Variants in SLC38A9 observed in about 807,000 individuals in gnomAD.
SLC38A9 encodes solute carrier family 38 member 9, also known as neutral amino acid transporter 9.
Under a neutral mutation model 62.3 loss-of-function variants are expected in SLC38A9, and 48 were observed. The ratio of observed to expected loss-of-function variants is 0.77; its 90% CI spans 0.61 to 0.98. The LOEUF is 0.98. SLC38A9 is among the 50% of genes least tolerant of loss of function. SLC38A9 has a pLI of 0.00. For missense variants in SLC38A9, 541 were observed against 679.8 expected (o/e 0.80, Z 2.27); for synonymous variants, 204 against 227.7 (o/e 0.90, Z 0.94).
At position 55,694,887 on chromosome 5, in the gene SLC38A9, G is replaced by C. The variant is rs1755264441; in HGVS notation, c.113+2959C>G. On this transcript the variant is annotated intron_variant, in intron 3 of 15. Coordinates refer to ENST00000396865, the MANE Select transcript of SLC38A9 (RefSeq NM_173514.4). ...CATGCCTCAGTCTCCCAAATAGCTG[G>C]GATTACAGGTGTGCGCCACCACGCC... is the stretch of plus-strand genomic sequence containing the variant. Among the ~76,000 whole-genome samples the C allele has an allele frequency of 2.6e-5, 4 of 152,104 alleles. No homozygotes were observed. In the South Asian group the frequency reaches 8.3e-4, roughly 32 times the overall value.
chr5:55,694,134 G>C (rs1755106951), intron 3 of SLC38A9: 1 of 198,300 alleles, frequency 5.0e-6, no homozygotes, highest in Non-Finnish European at 1.1e-5. Context: ...CTTCAGCCCA[G>C]GAGATCAAGG....
At chr5:55,673,075 A>C (rs1445465776) in intron 3 of SLC38A9, among the ~76,000 whole-genome samples, 1 of 152,212 alleles carries the variant, frequency 6.6e-6, no homozygotes, top group Non-Finnish European at 1.5e-5. Context: ...AAATCAGAGA[A>C]ATTATGGACT....
intron 3 of SLC38A9, chr5:55,696,145 G>C (rs1405159760): frequency 1.8e-5 from 1 of 54,078 alleles, no homozygotes; most frequent in African/African-American, 5.2e-5. Flanking sequence ...CTCCCTCCCG[G>C]ACCGGGCGGC....
At chr5:55,684,904 T>C in intron 3 of SLC38A9, among the ~76,000 whole-genome samples, 1 of 152,156 alleles carries the variant, frequency 6.6e-6, no homozygotes, top group East Asian at 1.9e-4. Flanking sequence ...TTCACCTGCC[T>C]TGGCCTTCCA....
At chr5:55,692,022 A>G (rs1754821804) in intron 3 of SLC38A9, among the ~76,000 whole-genome samples, 1 of 152,232 alleles carries the variant, frequency 6.6e-6, no homozygotes, top group Non-Finnish European at 1.5e-5. Context: ...AGAAAACCAC[A>G]AGCTAAACTG....
At chr5:55,647,458 A>G (rs1330780054) in intron 11 of SLC38A9, among the ~76,000 whole-genome samples, 1 of 149,092 alleles carries the variant, frequency 6.7e-6, no homozygotes, top group Non-Finnish European at 1.5e-5. Flanking sequence ...TGACTCTGCT[A>G]TATTATTTTA....
intron 4 of SLC38A9, among the ~76,000 whole-genome samples, chr5:55,670,545 G>A (rs1396945395): frequency 6.6e-6 from 1 of 152,134 alleles, no homozygotes; most frequent in East Asian, 1.9e-4. Context: ...GAGTGTGGAT[G>A]TATACACACA....
intron 3 of SLC38A9, among the ~76,000 whole-genome samples, chr5:55,689,288 T>C (rs114229620): frequency 0.011 from 1,607 of 152,298 alleles, 25 homozygotes; most frequent in African/African-American, 0.037. Context: ...TGTAATAGAC[T>C]TCGGGGACAA....
At chr5:55,640,407 A>G (rs1252683635) in intron 12 of SLC38A9, among the ~76,000 whole-genome samples, 1 of 152,240 alleles carries the variant, frequency 6.6e-6, no homozygotes, top group African/African-American at 2.4e-5. Flanking sequence ...TCCTAATACT[A>G]AGTGGAAAGA....
chr5:55,654,112 G>A (rs533970429), intron 9 of SLC38A9, among the ~76,000 whole-genome samples: 68 of 152,272 alleles, frequency 4.5e-4, no homozygotes, highest in Admixed American at 1.6e-3. Flanking sequence ...GAAAATACTC[G>A]TATTAAGTAA....
rs371528007 is a variant in SLC38A9, at chr5:55,651,022, C to G, written c.952+1507G>C. The stretch of plus-strand genomic sequence containing the variant: ...GTCAGTTTGGTCTCGAACTCCTGAC[C>G]TCAGGTGATCTGCCTGCCTCAGCTT... On this transcript the variant is annotated intron_variant, in intron 10 of 15. Coordinates refer to ENST00000396865, the MANE Select transcript of SLC38A9 (RefSeq NM_173514.4). Among the ~76,000 whole-genome samples, 8 of 152,080 alleles carry G rather than the reference C, an allele frequency of 5.3e-5. 1 individual carries two copies. The highest frequency in any genetic ancestry group is 1.3e-4 in the Admixed American group (2 of 15,266).
At chr5:55,664,979 G>A (rs1310439002) in intron 7 of SLC38A9, 116 bp from the exon 8 acceptor site, 1 of 527,522 alleles carries the variant, frequency 1.9e-6, no homozygotes, top group Non-Finnish European at 3.3e-6. Flanking sequence ...GTATTCTATC[G>A]CTAGACATTA....
At chr5:55,661,552 C>A (rs765923778) in intron 8 of SLC38A9, among the ~76,000 whole-genome samples, 1 of 151,254 alleles carries the variant, frequency 6.6e-6, no homozygotes, top group South Asian at 2.1e-4. Flanking sequence ...TAACCCAATA[C>A]GCTACAATAT....
intron 3 of SLC38A9, among the ~76,000 whole-genome samples, chr5:55,688,675 C>T (rs1754311314): frequency 6.6e-6 from 1 of 150,544 alleles, no homozygotes; most frequent in Admixed American, 6.6e-5. Flanking sequence ...CCACTGCGCC[C>T]GGCCCTAGGG....
Position 55,626,576 on chromosome 5 carries a change from C to T in SLC38A9, c.1604G>A (p.Arg535His), listed in dbSNP as rs200230756. ...GAAGATTAATTTAGGCCATGTCAGACGCTCTTCTTGGTGGAGGGAAATTAT... is the reference window on the plus strand; with the variant it reads ...GAAGATTAATTTAGGCCATGTCAGATGCTCTTCTTGGTGGAGGGAAATTAT... ...IYIISLHQEE[R>H]LTWPKLIFHV... The change falls in exon 16 of 16, where the codon CGT becomes CAT. Residue 535 changes from arginine to histidine, a missense_variant. Arg to His is a conservative substitution (Grantham distance 29, BLOSUM62 0). Coordinates refer to ENST00000396865, the MANE Select transcript of SLC38A9 (RefSeq NM_173514.4). 437 of 1,613,666 alleles carry T rather than the reference C, an allele frequency of 2.7e-4. No homozygotes were observed. The highest frequency in any genetic ancestry group is 3.5e-4 in the Non-Finnish European group (416 of 1,179,766).
In SLC38A9 at chr5:55,664,565, TC is replaced by T. The variant is rs1315508789; in HGVS notation, c.697+127del. The T allele has an allele frequency of 1.9e-4, 90 of 481,966 alleles. 1 individual carries two copies. The East Asian group carries it at 3.3e-3, about 17-fold the overall frequency. 29.9% of individuals were successfully genotyped at this position (481,966 alleles called of 1,614,324 possible). A position where few individuals can be genotyped will look rare whatever the true frequency, so the allele number is the denominator to read the frequency against. On this transcript the variant is annotated intron_variant, in intron 8 of 15. Coordinates refer to ENST00000396865, the MANE Select transcript of SLC38A9 (RefSeq NM_173514.4). ...AAAGCCAACTGAATAAAATATATTT[TC>T]CAAAATTATATATGTTACTTCTTAT...
chr5:55,647,843 TACA>T (rs1252317472), intron 11 of SLC38A9, among the ~76,000 whole-genome samples: 1 of 152,246 alleles, frequency 6.6e-6, no homozygotes, highest in Non-Finnish European at 1.5e-5. Flanking sequence ...ACTTGAAGTG[TACA>T]ACTAGTTTTT....
chr5:55,632,546 G>T (rs1386865012), intron 14 of SLC38A9, among the ~76,000 whole-genome samples: 1 of 152,100 alleles, frequency 6.6e-6, no homozygotes, highest in African/African-American at 2.4e-5. Context: ...GAAAGCCTCA[G>T]AAACAAAAGT....
chr5:55,669,360 A>G, intron 6 of SLC38A9, 39 bp from the exon 7 acceptor site: 1 of 1,520,630 alleles, frequency 6.6e-7, no homozygotes, highest in Non-Finnish European at 9.0e-7. Context: ...ATATATCATC[A>G]TGTAAGCATA....
Sources: allele counts gnomAD v4.1 joint callset (sites outside exome capture counted in the v4.1 genomes callset), GRCh38; gene constraint gnomAD v4.1.1; transcripts MANE v1.5; gene names NCBI Gene and HGNC (gene_info 2026-07-23, HGNC 2026-07-21).